Variants in BACE1 observed in about 807,000 individuals in gnomAD.
The protein encoded by BACE1 is beta-secretase 1, also known as APP beta-secretase.
A neutral mutation model predicts 54.0 loss-of-function variants in BACE1; 21 were observed. That is an observed-to-expected ratio of 0.39 (90% confidence interval 0.28 to 0.56). BACE1 has a LOEUF of 0.56. BACE1 is among the 20% of genes least tolerant of loss of function. The pLI, the probability that BACE1 is intolerant of heterozygous loss-of-function variation, is 0.63. For missense variants in BACE1, 511 were observed against 661.2 expected (o/e 0.77, Z 2.49); for synonymous variants, 232 against 260.9 (o/e 0.89, Z 1.07).
At chr11:117,306,748 T>G (rs1357038840) in intron 1 of BACE1, among the ~76,000 whole-genome samples, 1 of 151,392 alleles carries the variant, frequency 6.6e-6, no homozygotes, top group Non-Finnish European at 1.5e-5. Flanking sequence ...GAGGTGGAGG[T>G]TGCAGGGAGC....
At chr11:117,302,159 C>A (rs1044606391) in intron 1 of BACE1, among the ~76,000 whole-genome samples, 1 of 152,036 alleles carries the variant, frequency 6.6e-6, no homozygotes, top group Non-Finnish European at 1.5e-5. Context: ...CATGGTGAAA[C>A]CCCATCTCTA....
In BACE1 at chr11:117,315,774, G is replaced by T; in HGVS notation, c.22C>A (p.Leu8Ile). The change falls in exon 1 of 9, where the codon CTC becomes ATC. Residue 8 changes from leucine to isoleucine, a missense_variant. Physicochemically the swap from Leu to Ile is conservative, Grantham distance 5. Coordinates refer to ENST00000313005, the MANE Select transcript of BACE1 (RefSeq NM_012104.6). This position sits in a 1 kb window ranked among gnomAD's most constrained non-coding sequence, Gnocchi z 5.5. The stretch of plus-strand genomic sequence containing the variant: ...ACTCCCGCGCCCATCCACAGCAGGA[G>T]CCAGGGCAGGGCTTGGGCCATGGTG... Reference protein sequence around the residue: MAQALPWLLLWMGAGVLP... With the variant: MAQALPWILLWMGAGVLP... 1 of 1,451,410 alleles carries T rather than the reference G, an allele frequency of 6.9e-7. No homozygotes were observed. The highest frequency in any genetic ancestry group is 1.4e-5 in the South Asian group (1 of 70,544). 89.9% of individuals were successfully genotyped at this position (1,451,410 alleles called of 1,614,324 possible). A position where few individuals can be genotyped will look rare whatever the true frequency, so the allele number is the denominator to read the frequency against.
At chr11:117,299,746 A>G in intron 1 of BACE1, 1 of 326,132 alleles carries the variant, frequency 3.1e-6, no homozygotes, top group Non-Finnish European at 5.9e-6. Flanking sequence ...TCAGCAGTTC[A>G]GATGAAATCA....
chr11:117,310,962 G>A (rs2034931820), intron 1 of BACE1, among the ~76,000 whole-genome samples: 2 of 151,520 alleles, frequency 1.3e-5, no homozygotes, highest in Admixed American at 1.3e-4. Context: ...TAGACACTGT[G>A]AGTGATAAAG....
chr11:117,289,283 T>G lies in BACE1; in HGVS notation c.*283A>C, dbSNP rs555012044. The G allele has an allele frequency of 5.9e-5, 24 of 405,460 alleles. No individual in the cohort carries two copies. In the South Asian group the frequency reaches 8.3e-4, roughly 14 times the overall value. The allele number at this position is 405,460 out of a possible 1,614,324, so 25.1% of individuals were successfully genotyped here. ...GGAATGGTGGACAAAGGTTCAGGGC[T>G]GAAGTTTCAAGCAGCAGAATTTCCC... On this transcript the variant is annotated 3_prime_UTR_variant, in exon 9 of 9. Transcript: ENST00000313005.
At chr11:117,304,678 T>A (rs1474283094) in intron 1 of BACE1, among the ~76,000 whole-genome samples, 1 of 152,210 alleles carries the variant, frequency 6.6e-6, no homozygotes, top group Non-Finnish European at 1.5e-5. Flanking sequence ...TATCCTTTCT[T>A]CAAAGGTCTT....
Position 117,289,041 on chromosome 11 carries a change from A to C in BACE1, c.*525T>G, listed in dbSNP as rs777553664. On this transcript the variant is annotated 3_prime_UTR_variant, in exon 9 of 9. Coordinates refer to ENST00000313005, the MANE Select transcript of BACE1 (RefSeq NM_012104.6). ...AGTTTTTTTTTTTAATTCAAGAGGCAATCTTTGCACCAATGTTAGGCTTGT... is the reference window on the plus strand; with the variant it reads ...AGTTTTTTTTTTTAATTCAAGAGGCCATCTTTGCACCAATGTTAGGCTTGT... 3.3e-5 allele frequency: 5 copies of C among 153,378 alleles called. No homozygotes were observed. The highest frequency in any genetic ancestry group is 2.6e-4 in the Admixed American group (4 of 15,448). The allele number at this position is 153,378 out of a possible 1,614,324, so 9.5% of individuals were successfully genotyped here.
intron 1 of BACE1, among the ~76,000 whole-genome samples, chr11:117,305,853 G>A (rs755240593): frequency 6.6e-6 from 1 of 151,998 alleles, no homozygotes; most frequent in Non-Finnish European, 1.5e-5. Context: ...GGCTAACACG[G>A]TGAAACCCCG....
In BACE1 at chr11:117,312,436, C is replaced by T. The variant is rs1212700337; in HGVS notation, c.261+3099G>A. On this transcript the variant is annotated intron_variant, in intron 1 of 8. Coordinates refer to ENST00000313005, the MANE Select transcript of BACE1 (RefSeq NM_012104.6). ...TTTCTGAACACCTGTGGCACTCACT[C>T]TCTGCACTCCTATAAATACATTATT... 2.0e-5 allele frequency among the ~76,000 whole-genome samples: 3 copies of T among 152,246 alleles called. No individual in the cohort carries two copies. The East Asian group carries it at 5.8e-4, about 29-fold the overall frequency.
At position 117,293,241 on chromosome 11, in the gene BACE1, T is replaced by TCC. The variant is rs905840222; in HGVS notation, c.706-55_706-54dup. The TCC allele has an allele frequency of 4.3e-5, 69 of 1,593,730 alleles. No homozygotes were observed. Among genetic ancestry groups the TCC allele is most frequent in the Non-Finnish European group, 5.5e-5 (64 of 1,168,228 alleles). On this transcript the variant is annotated intron_variant, in intron 4 of 8. Transcript: ENST00000313005. This position sits in a 1 kb window ranked among gnomAD's most constrained non-coding sequence, Gnocchi z 4.1. ...TGTCCTGGCACAGAAGGAGAGTGAG[T>TCC]CCCCCAAGGACCAAGCAATAAGATC...
intron 1 of BACE1, among the ~76,000 whole-genome samples, chr11:117,306,728 T>A (rs2034839981): frequency 1.3e-5 from 2 of 151,990 alleles, no homozygotes; most frequent in Admixed American, 1.3e-4. Flanking sequence ...GGAGAATTGC[T>A]TGAACCCAGG....
chr11:117,295,009 TTAAA>T (rs1182285923), intron 3 of BACE1, 118 bp downstream of exon 3: 2 of 1,046,952 alleles, frequency 1.9e-6, no homozygotes, highest in African/African-American at 3.1e-5. Flanking sequence ...TATACCCCTG[TTAAA>T]TAATCCTTTA....
Position 117,293,820 on chromosome 11 carries a change from ACC to A in BACE1, c.705+49_705+50del, listed in dbSNP as rs1464945438. 6.4e-7 allele frequency: 1 copy of A among 1,561,634 alleles called. No homozygotes were observed. The highest frequency in any genetic ancestry group is 8.7e-7 in the Non-Finnish European group (1 of 1,152,914). ...GCTTTCAGGAAGGGGAGAGGATGGC[ACC>A]CATCTCTCCCTCAATGCCAGGACCT... On this transcript the variant is annotated intron_variant, in intron 4 of 8. Coordinates refer to ENST00000313005, the MANE Select transcript of BACE1 (RefSeq NM_012104.6). The surrounding 1 kb of genome is among the most constrained non-coding windows in gnomAD (Gnocchi z 4.1).
chr11:117,290,128 T>C (rs2034377297), intron 8 of BACE1, among the ~76,000 whole-genome samples: 2 of 152,130 alleles, frequency 1.3e-5, no homozygotes, highest in Non-Finnish European at 2.9e-5. Context: ...GCTGCTGAAA[T>C]CCAACTGCAA....
rs2034560760 is a variant in BACE1 at position 117,295,019 on chromosome 11, CT to C, written c.567+111del. ...CACCCTATACCCCTGTTAAATAATC[CT>C]TTAAACTGATTGTTGCCCTCCTTCT... On this transcript the variant is annotated intron_variant, in intron 3 of 8. Coordinates refer to ENST00000313005, the MANE Select transcript of BACE1 (RefSeq NM_012104.6). 2.0e-5 allele frequency: 23 copies of C among 1,136,654 alleles called. No homozygotes were observed. The South Asian group carries it at 3.0e-4, about 15-fold the overall frequency. The allele number at this position is 1,136,654 out of a possible 1,614,324, so 70.4% of individuals were successfully genotyped here. A position where few individuals can be genotyped will look rare whatever the true frequency, so the allele number is the denominator to read the frequency against.
rs1181394142 is a variant in BACE1, at chr11:117,291,798, T to A, written c.856A>T (p.Ser286Cys). The part of the protein sequence containing the change: ...MDCKEYNYDK[S>C]IVDSGTTNLR... ...TTGGTGGTGCCACTGTCCACAATGC[T>A]CTTGTCATAGTTGTACTAAGAGGGA... Residue 286 changes from serine to cysteine, a missense_variant, in exon 6 of 9, where the codon AGC becomes TGC. This residue lies in a region of BACE1 where 407 missense variants were observed against 565.7 expected (regional missense o/e 0.72). Coordinates refer to ENST00000313005, the MANE Select transcript of BACE1 (RefSeq NM_012104.6). 1.9e-6 allele frequency: 3 copies of A among 1,611,884 alleles called. No homozygotes were observed. Among genetic ancestry groups the A allele is most frequent in the Non-Finnish European group, 2.5e-6 (3 of 1,178,314 alleles).
intron 5 of BACE1, chr11:117,292,033 A>C (rs1265914560): frequency 2.8e-6 from 1 of 356,842 alleles, no homozygotes; most frequent in African/African-American, 2.0e-5. Context: ...GTAAGGATTA[A>C]ATAAATCAGC....
rs1255553944 is a variant in BACE1, at chr11:117,286,632, CTT to C, written c.*2932_*2933del. 2 of 152,678 alleles carry C rather than the reference CTT, an allele frequency of 1.3e-5. No homozygotes were observed. The highest frequency in any genetic ancestry group is 4.8e-5 in the African/African-American group (2 of 41,436). 9.5% of individuals were successfully genotyped at this position (152,678 alleles called of 1,614,324 possible). A position where few individuals can be genotyped will look rare whatever the true frequency, so the allele number is the denominator to read the frequency against. On this transcript the variant is annotated 3_prime_UTR_variant, in exon 9 of 9. Transcript: ENST00000313005. ...TGATCTCCTTTCTGCCTTTGATACT[CTT>C]TTCCTTCTTTGTCTTTCATCCTTGC... is the stretch of plus-strand genomic sequence containing the variant.
rs1303656028 is a variant in BACE1 at position 117,316,238 on chromosome 11, G to A, written c.-443C>T. ...CGGCTCGCAGCTCCCGGGCGGGCTG[G>A]GGAGGCGGAAAGACTTGTGGCGGCG... On this transcript the variant is annotated 5_prime_UTR_variant, in exon 1 of 9. Transcript: ENST00000313005. 4.5e-6 allele frequency: 2 copies of A among 440,010 alleles called. No individual in the cohort carries two copies. The highest frequency in any genetic ancestry group is 3.5e-5 in the East Asian group (1 of 28,274). The allele number at this position is 440,010 out of a possible 1,614,324, so 27.3% of individuals were successfully genotyped here.
Sources: allele counts gnomAD v4.1 joint callset (sites outside exome capture counted in the v4.1 genomes callset), GRCh38; gene constraint gnomAD v4.1.1; regional missense constraint gnomAD v4.1.1; non-coding constraint Gnocchi (gnomAD v3.1); transcripts MANE v1.5; gene names NCBI Gene and HGNC (gene_info 2026-07-23, HGNC 2026-07-21).